The following PDXDC1 variants were observed in gnomAD, a reference collection of about 807,000 sequenced individuals.
PDXDC1 encodes pyridoxal dependent decarboxylase domain containing 1.
In PDXDC1, 42 loss-of-function variants were observed where a neutral mutation model predicts 100.1. The ratio of observed to expected loss-of-function variants is 0.42; its 90% CI spans 0.33 to 0.54. The LOEUF is 0.54. PDXDC1 is among the 20% of genes least tolerant of loss of function. The pLI is 0.10. For missense variants in PDXDC1, 636 were observed against 979.2 expected (o/e 0.65, Z 4.68); for synonymous variants, 260 against 371.7 (o/e 0.70, Z 3.46).
the PDXDC1 span, among the ~76,000 whole-genome samples, chr16:15,148,177 GCTGGCCTCAAACTC>G: frequency 1.3e-5 from 2 of 150,652 alleles, no homozygotes; most frequent in Non-Finnish European, 3.0e-5. Context: ...TGTTGCCCAG[GCTGGCCTCAAACTC>G]CTGGCCTCAA....
At chr16:15,074,700 A>G (rs1724074887) in intron 16 of PDXDC1, 1 of 1,594,234 alleles carries the variant, frequency 6.3e-7, no homozygotes, top group South Asian at 1.1e-5. Flanking sequence ...GGTGTTCAAT[A>G]AACAGTAGCT....
chr16:15,071,200 T>A, intron 16 of PDXDC1: 2 of 1,611,216 alleles, frequency 1.2e-6, no homozygotes, highest in Non-Finnish European at 1.7e-6. Flanking sequence ...GCAGGATTAC[T>A]TGGGTCCTGC....
rs375123313 is a variant in PDXDC1 at position 14,998,038 on chromosome 16, C to T, written c.95+212C>T. Among the ~76,000 whole-genome samples the T allele has an allele frequency of 3.8e-4, 58 of 152,388 alleles. No homozygotes were observed. The South Asian group carries it at 0.012, about 31-fold the overall frequency. ...AAAGACTTATACTATTTAATTCTGT[C>T]TATTAAGAGTTTCATTTACTTAATA... On this transcript the variant is annotated intron_variant, in intron 2 of 22. Transcript: ENST00000396410.
chr16:15,040,548 C>G (rs1311908163), downstream of PDXDC1: 2 of 173,150 alleles, frequency 1.2e-5, no homozygotes, highest in Admixed American at 1.1e-4. Flanking sequence ...GAAATAGAGC[C>G]GATTCCATGA....
chr16:15,018,028 T>C (rs2041923426), intron 11 of PDXDC1, among the ~76,000 whole-genome samples: 1 of 152,196 alleles, frequency 6.6e-6, no homozygotes. Flanking sequence ...TCTCAGGTGA[T>C]CTGCCTGCCT....
chr16:15,144,058 AG>A (rs2048515939), downstream of PDXDC1, among the ~76,000 whole-genome samples: 1 of 152,154 alleles, frequency 6.6e-6, no homozygotes, highest in Non-Finnish European at 1.5e-5. Context: ...CGCCAGACCC[AG>A]GGAGGCCCCA....
chr16:15,148,732 G>T, the PDXDC1 span, among the ~76,000 whole-genome samples: 2 of 151,786 alleles, frequency 1.3e-5, no homozygotes, highest in Admixed American at 1.3e-4. Context: ...TTCCCTGTAT[G>T]ATCTGGATGC....
At chr16:15,149,636 G>A in the PDXDC1 span, among the ~76,000 whole-genome samples, 1 of 152,234 alleles carries the variant, frequency 6.6e-6, no homozygotes, top group East Asian at 1.9e-4. Context: ...GGATGCAGGT[G>A]GGAAAGGGCA....
rs2040945151 is a variant in PDXDC1, at chr16:15,008,164, T to C, written c.580-615T>C. 3.9e-5 allele frequency among the ~76,000 whole-genome samples: 6 copies of C among 152,296 alleles called. No individual in the cohort carries two copies. The South Asian group carries it at 1.2e-3, about 31-fold the overall frequency. On this transcript the variant is annotated intron_variant, in intron 6 of 22. Coordinates refer to ENST00000396410, the MANE Select transcript of PDXDC1 (RefSeq NM_015027.4). ...GCTTATTAAATTTTTGGTCTCTGAA[T>C]GCTACCAAGTCTTAGTCATACAGAA... is the stretch of plus-strand genomic sequence containing the variant.
intron 1 of PDXDC1, chr16:14,989,971 C>T (rs1970363995): frequency 6.8e-7 from 1 of 1,460,858 alleles, no homozygotes; most frequent in Admixed American, 2.6e-5. Context: ...TCCAGGCAGG[C>T]AGACGGCTCG....
At chr16:15,103,475 C>T (rs1479744863) in intron 16 of PDXDC1, 1 of 615,164 alleles carries the variant, frequency 1.6e-6, no homozygotes, top group African/African-American at 1.9e-5. Flanking sequence ...TATAGACCAC[C>T]CCTTGGGTAT....
At chr16:15,032,203 G>A in intron 17 of PDXDC1, 1 of 395,508 alleles carries the variant, frequency 2.5e-6, no homozygotes, top group Non-Finnish European at 4.6e-6. Context: ...TTACTATCCA[G>A]GGCATATAGA....
At chr16:15,000,873 T>C (rs1052738237) in intron 3 of PDXDC1, among the ~76,000 whole-genome samples, 1 of 150,264 alleles carries the variant, frequency 6.7e-6, no homozygotes, top group African/African-American at 2.4e-5. Flanking sequence ...AGCATTATAC[T>C]ATACTAAGGA....
At position 15,065,305 on chromosome 16, in the gene PDXDC1, A is replaced by G. The variant is rs749506068; in HGVS notation, c.1399+35249A>G. On this transcript the variant is annotated intron_variant, in intron 16 of 16. Coordinates refer to the PDXDC1 transcript ENST00000535621. ...CTGAGTCTCCTCCAGCGGTACTCCT[A>G]ATGACTGGCAGCATCTGGCGATTGT... 26 of 1,613,720 alleles carry G rather than the reference A, an allele frequency of 1.6e-5. 1 individual carries two copies. The highest frequency in any genetic ancestry group is 1.1e-4 in the South Asian group (10 of 91,078).
intron 1 of PDXDC1, among the ~76,000 whole-genome samples, chr16:14,994,418 T>C (rs1971520190): frequency 1.3e-5 from 2 of 152,306 alleles, no homozygotes; most frequent in Non-Finnish European, 2.9e-5. Flanking sequence ...ATTTCTTGTT[T>C]TTGTCAGGTT....
chr16:15,001,989 A>G, intron 4 of PDXDC1, 133 bp downstream of exon 4: 1 of 732,770 alleles, frequency 1.4e-6, no homozygotes, highest in Non-Finnish European at 2.2e-6. Flanking sequence ...AATCCTTTTT[A>G]TTTTCAGAAA....
chr16:15,122,913 G>T (rs1284854504), intron 16 of PDXDC1, among the ~76,000 whole-genome samples: 1 of 148,528 alleles, frequency 6.7e-6, no homozygotes, highest in Non-Finnish European at 1.5e-5. Context: ...GGAGGAGGTG[G>T]AGGAGGAGGA....
chr16:15,056,016 C>A (rs902013703), intron 16 of PDXDC1: 11 of 1,059,990 alleles, frequency 1.0e-5, no homozygotes, highest in Non-Finnish European at 1.3e-5. Context: ...CGGCGGCCCC[C>A]CGCTTTGCAG....
intron 1 of PDXDC1, among the ~76,000 whole-genome samples, chr16:14,985,799 C>T (rs1969227603): frequency 6.6e-6 from 1 of 152,246 alleles, no homozygotes; most frequent in Non-Finnish European, 1.5e-5. Flanking sequence ...AATCGCCTAG[C>T]ATAAAAACGA....
Sources: allele counts gnomAD v4.1 joint callset (sites outside exome capture counted in the v4.1 genomes callset), GRCh38; gene constraint gnomAD v4.1.1; transcripts MANE v1.5; gene names NCBI Gene and HGNC (gene_info 2026-07-23, HGNC 2026-07-21).